Variants in PARD3 observed in about 807,000 individuals in gnomAD.
PARD3 encodes the protein partitioning defective 3 homolog.
PARD3 carries 75 observed loss-of-function variants against 155.4 expected under a neutral mutation model. The observed-to-expected ratio is 0.48, with a 90% CI of 0.40 to 0.58. PARD3 has a LOEUF of 0.58. Among genes scored for constraint, PARD3 ranks in the 20% least tolerant of loss-of-function variants. The pLI is 0.00. For synonymous variants in PARD3, 576 were observed against 610.5 expected (o/e 0.94, Z 0.83); for missense variants, 1,642 against 1,721.7 (o/e 0.95, Z 0.82).
intron 2 of PARD3, among the ~76,000 whole-genome samples, chr10:34,602,447 TA>T (rs1304594405): frequency 4.6e-5 from 7 of 152,342 alleles, no homozygotes; most frequent in South Asian, 2.1e-4. Flanking sequence ...TAGGGTGGTG[TA>T]AAAATAATCC....
chr10:34,226,130 T>G (rs1952588656), intron 22 of PARD3, among the ~76,000 whole-genome samples: 1 of 152,176 alleles, frequency 6.6e-6, no homozygotes, highest in Non-Finnish European at 1.5e-5. Context: ...AAGATATGAA[T>G]AGTTTACCAA....
intron 3 of PARD3, among the ~76,000 whole-genome samples, chr10:34,489,460 T>C (rs892144657): frequency 2.6e-5 from 4 of 152,208 alleles, no homozygotes; most frequent in Admixed American, 2.6e-4. Context: ...TTAAAAACAT[T>C]CAAATGGCTC....
chr10:34,619,698 G>A (rs925416273), intron 2 of PARD3, among the ~76,000 whole-genome samples: 2 of 152,146 alleles, frequency 1.3e-5, no homozygotes, highest in Non-Finnish European at 2.9e-5. Context: ...TGGAGTCTCA[G>A]AATATAAATA....
chr10:34,205,262 C>T (rs1951415480), intron 22 of PARD3, among the ~76,000 whole-genome samples: 2 of 151,648 alleles, frequency 1.3e-5, no homozygotes, highest in Non-Finnish European at 2.9e-5. Flanking sequence ...AGATCTTTAA[C>T]ACCTGTTTGT....
At chr10:34,428,539 A>G (rs1036659511) in intron 5 of PARD3, among the ~76,000 whole-genome samples, 1 of 152,206 alleles carries the variant, frequency 6.6e-6, no homozygotes, top group Non-Finnish European at 1.5e-5. Flanking sequence ...CAAACATTTA[A>G]ATTTAGAAAA....
At chr10:34,559,270 T>C (rs1247000427) in intron 2 of PARD3, among the ~76,000 whole-genome samples, 7 of 152,158 alleles carry the variant, frequency 4.6e-5, no homozygotes, top group African/African-American at 9.7e-5. Context: ...CAAAGGCTTG[T>C]AGGCTAATTG....
intron 9 of PARD3, among the ~76,000 whole-genome samples, chr10:34,381,700 G>A (rs1480745443): frequency 2.0e-5 from 3 of 151,886 alleles, no homozygotes; most frequent in Admixed American, 1.3e-4. Context: ...GGGAAGCCGA[G>A]GTAGAAGGAC....
At chr10:34,244,823 C>T (rs1452150964) in intron 22 of PARD3, among the ~76,000 whole-genome samples, 2 of 152,078 alleles carry the variant, frequency 1.3e-5, no homozygotes, top group Non-Finnish European at 2.9e-5. Context: ...TTAAATTCTC[C>T]AAAAATGTAC....
At chr10:34,232,199 A>G (rs1253872072) in intron 22 of PARD3, among the ~76,000 whole-genome samples, 1 of 152,160 alleles carries the variant, frequency 6.6e-6, no homozygotes, top group African/African-American at 2.4e-5. Context: ...TTATACTATT[A>G]GTCCAGATAT....
chr10:34,111,215 A>G lies in PARD3; in HGVS notation c.4016T>C (p.Leu1339Pro), dbSNP rs1946364958. The stretch of plus-strand genomic sequence containing the variant: ...TTTCTCAGGAGTCTGAAGTCTGTTC[A>G]GCCTCGCAACCTGAGAAGGGGAGGG... ...VPPSPSQVAR[L>P]NRLQTPEKGR... Residue 1339 changes from leucine (L) to proline (P), a missense_variant, in exon 25 of 25, where the codon CTG becomes CCG. Leu to Pro is a moderately conservative substitution (Grantham distance 98). Coordinates refer to ENST00000374788, the MANE Select transcript of PARD3 (RefSeq NM_001184785.2). The G allele has an allele frequency of 2.5e-6, 4 of 1,603,626 alleles. No individual in the cohort carries two copies. The highest frequency in any genetic ancestry group is 3.4e-6 in the Non-Finnish European group (4 of 1,172,630).
chr10:34,344,614 G>C, intron 15 of PARD3: 4 of 985,340 alleles, frequency 4.1e-6, no homozygotes, highest in Non-Finnish European at 4.8e-6. Context: ...TTAGTTAAGA[G>C]AGACCAACCA....
chr10:34,690,888 G>GC (rs2094045367), intron 2 of PARD3, among the ~76,000 whole-genome samples: 1 of 152,184 alleles, frequency 6.6e-6, no homozygotes, highest in Non-Finnish European at 1.5e-5. Flanking sequence ...AGTGTCCACA[G>GC]CAAGTACAAC....
In PARD3 at chr10:34,253,630, T is replaced by C. The variant is rs148879174; in HGVS notation, c.3419+16027A>G. 3.0e-3 allele frequency among the ~76,000 whole-genome samples: 460 copies of C among 152,130 alleles called. 2 individuals carry two copies. Among genetic ancestry groups the C allele is most frequent in the African/African-American group, 0.01 (428 of 41,490 alleles). On this transcript the variant is annotated intron_variant, in intron 22 of 24. Transcript: ENST00000374788. ...ACCTGAGGTTTCAGGACACCATGAG[T>C]GTAGAGGCTAAGCAATCCTTAATTG...
At chr10:34,154,538 GAAC>G (rs1272853462) in intron 22 of PARD3, among the ~76,000 whole-genome samples, 1 of 152,084 alleles carries the variant, frequency 6.6e-6, no homozygotes, top group African/African-American at 2.4e-5. Context: ...CATCAACAAG[GAAC>G]AACAGTAGAC....
chr10:34,375,214 A>G (rs1841106040), intron 10 of PARD3, among the ~76,000 whole-genome samples: 1 of 152,198 alleles, frequency 6.6e-6, no homozygotes, highest in African/African-American at 2.4e-5. Context: ...TATCTAGAAG[A>G]GAGGAAGTGG....
At chr10:34,197,443 C>T (rs556431774) in intron 22 of PARD3, among the ~76,000 whole-genome samples, 2 of 152,288 alleles carry the variant, frequency 1.3e-5, no homozygotes, top group African/African-American at 4.8e-5. Context: ...CGCCCATTCC[C>T]ACCAAACAAA....
chr10:34,781,690 A>C (rs571332943), intron 1 of PARD3, among the ~76,000 whole-genome samples: 39 of 152,352 alleles, frequency 2.6e-4, no homozygotes, highest in Admixed American at 3.9e-4. Flanking sequence ...AGGAAAATAG[A>C]ACAAAAATTA....
chr10:34,202,989 G>C (rs1323048611), intron 22 of PARD3, among the ~76,000 whole-genome samples: 1 of 152,140 alleles, frequency 6.6e-6, no homozygotes, highest in Admixed American at 6.5e-5. Flanking sequence ...AATTCACTGA[G>C]GTCTGCACTT....
chr10:34,263,628 G>A lies in PARD3; in HGVS notation c.3419+6029C>T, dbSNP rs568869843. ...GAGTCCAAATCATACACCAGCCTAG[G>A]TGACAGAGTGAGACCCTGTTTCAAA... is the stretch of plus-strand genomic sequence containing the variant. On this transcript the variant is annotated intron_variant, in intron 22 of 24. Coordinates refer to ENST00000374788, the MANE Select transcript of PARD3 (RefSeq NM_001184785.2). Among the ~76,000 whole-genome samples, 11 of 152,306 alleles carry A rather than the reference G, an allele frequency of 7.2e-5. No individual in the cohort carries two copies. The South Asian group carries it at 2.3e-3, about 32-fold the overall frequency.
Sources: gnomAD v4.1 joint callset for allele counts (sites outside exome capture counted in the v4.1 genomes callset) on GRCh38, gnomAD v4.1.1 for gene constraint, MANE v1.5 for transcripts, NCBI Gene and HGNC (gene_info 2026-07-23, HGNC 2026-07-21) for gene names.